The following DGKB variants were observed in gnomAD, a reference collection of about 807,000 sequenced individuals.
DGKB encodes the protein 90 kDa diacylglycerol kinase.
Under a neutral mutation model 114.3 loss-of-function variants are expected in DGKB, and 67 were observed. That is an observed-to-expected ratio of 0.59 (90% CI 0.48 to 0.72). The LOEUF (loss-of-function observed/expected upper bound fraction) is 0.72. Among genes scored for constraint, DGKB ranks in the 30% least tolerant of loss-of-function variants. The pLI is 0.00. For missense variants in DGKB, 907 were observed against 975.2 expected (o/e 0.93, Z 0.93); for synonymous variants, 398 against 323.1 (o/e 1.23, Z -2.49).
intron 22 of DGKB, among the ~76,000 whole-genome samples, chr7:14,342,238 C>T (rs1583294896): frequency 3.3e-5 from 5 of 151,900 alleles, no homozygotes; most frequent in Admixed American, 3.3e-4. Flanking sequence ...AAATTCTTGG[C>T]TTTAAAATTT....
intron 2 of DGKB, among the ~76,000 whole-genome samples, chr7:14,811,625 T>C (rs1190357996): frequency 6.6e-6 from 1 of 152,164 alleles, no homozygotes; most frequent in African/African-American, 2.4e-5. Flanking sequence ...TCATATCAAC[T>C]TCAGGTGAAG....
chr7:14,657,139 G>A (rs1816006333), intron 13 of DGKB, among the ~76,000 whole-genome samples: 1 of 151,666 alleles, frequency 6.6e-6, no homozygotes, highest in African/African-American at 2.4e-5. Flanking sequence ...GACATGCTAT[G>A]ACTCTTTAAA....
chr7:14,782,364 A>G (rs1839244904), intron 2 of DGKB, among the ~76,000 whole-genome samples: 1 of 152,184 alleles, frequency 6.6e-6, no homozygotes, highest in Non-Finnish European at 1.5e-5. Context: ...AATGAATACT[A>G]TGATTGCACT....
At chr7:14,797,216 C>T (rs1365973381) in intron 2 of DGKB, among the ~76,000 whole-genome samples, 3 of 152,080 alleles carry the variant, frequency 2.0e-5, no homozygotes, top group Non-Finnish European at 4.4e-5. Context: ...TGAGTCATGG[C>T]CCCTCAATCA....
chr7:14,953,844 G>A (rs1174280360), intron 1 of DGKB, among the ~76,000 whole-genome samples: 1 of 152,102 alleles, frequency 6.6e-6, no homozygotes, highest in Admixed American at 6.6e-5. Context: ...CTACTGCACA[G>A]CAAAGGCTAA....
chr7:14,236,926 TTGTAA>T (rs987408643), intron 23 of DGKB, among the ~76,000 whole-genome samples: 9 of 151,964 alleles, frequency 5.9e-5, no homozygotes, highest in Admixed American at 5.9e-4. Flanking sequence ...CTTTCCTAAG[TTGTAA>T]TGTGATGTTT....
chr7:14,830,833 T>G (rs1339686594), intron 2 of DGKB, among the ~76,000 whole-genome samples: 1 of 152,042 alleles, frequency 6.6e-6, no homozygotes, highest in Non-Finnish European at 1.5e-5. Context: ...TTATTTATTT[T>G]TCTATGTTCA....
At chr7:14,299,855 G>A (rs1180557690) in intron 23 of DGKB, among the ~76,000 whole-genome samples, 2 of 151,520 alleles carry the variant, frequency 1.3e-5, no homozygotes, top group South Asian at 4.2e-4. Flanking sequence ...TATTAATCAA[G>A]GTATTATTTC....
At chr7:14,311,705 C>A (rs1272187297) in intron 23 of DGKB, among the ~76,000 whole-genome samples, 1 of 152,186 alleles carries the variant, frequency 6.6e-6, no homozygotes, top group Non-Finnish European at 1.5e-5. Flanking sequence ...GAATTAAAGT[C>A]ATGAGCCTCC....
intron 25 of DGKB, among the ~76,000 whole-genome samples, chr7:14,152,048 G>T (rs569133007): frequency 6.6e-6 from 1 of 151,952 alleles, no homozygotes; most frequent in Non-Finnish European, 1.5e-5. Context: ...GGTTACGGGG[G>T]GTTAACAGGG....
chr7:14,939,621 CTTTT>C (rs60427374), intron 1 of DGKB, among the ~76,000 whole-genome samples: 5 of 84,146 alleles, frequency 5.9e-5, no homozygotes, highest in African/African-American at 1.9e-4. Context: ...AAATATAATA[CTTTT>C]TTTTTTTTTT....
chr7:14,265,642 A>G (rs1434202606), intron 23 of DGKB, among the ~76,000 whole-genome samples: 2 of 152,066 alleles, frequency 1.3e-5, no homozygotes, highest in African/African-American at 2.4e-5. Flanking sequence ...TTTTTAAGCT[A>G]TGGTATAACT....
chr7:14,187,292 T>A (rs923652931), intron 23 of DGKB, among the ~76,000 whole-genome samples: 2 of 152,102 alleles, frequency 1.3e-5, no homozygotes, highest in African/African-American at 2.4e-5. Context: ...AACATCTGGT[T>A]CAGCAGCAGA....
chr7:14,643,347 T>C (rs1434225877), intron 13 of DGKB, among the ~76,000 whole-genome samples: 2 of 99,526 alleles, frequency 2.0e-5, no homozygotes, highest in Non-Finnish European at 2.4e-5. Context: ...TTCACATGAC[T>C]GTATTGTTCC....
intron 6 of DGKB, among the ~76,000 whole-genome samples, chr7:14,711,881 C>T (rs188588571): frequency 2.3e-3 from 345 of 152,182 alleles, no homozygotes; most frequent in African/African-American, 7.6e-3. Context: ...TATGTGAAAG[C>T]GAATATACCG....
chr7:14,308,949 C>T (rs942659797), intron 23 of DGKB, among the ~76,000 whole-genome samples: 2 of 152,152 alleles, frequency 1.3e-5, no homozygotes, highest in Non-Finnish European at 2.9e-5. Context: ...TGCATGGTGG[C>T]TCACGCCTGT....
intron 1 of DGKB, among the ~76,000 whole-genome samples, chr7:14,929,323 G>C (rs980396217): frequency 1.3e-5 from 2 of 152,042 alleles, no homozygotes; most frequent in African/African-American, 4.8e-5. Flanking sequence ...TTTTCATAGA[G>C]GTTGTACTAA....
chr7:14,376,848 G>A (rs1311660935), intron 21 of DGKB, among the ~76,000 whole-genome samples: 1 of 152,130 alleles, frequency 6.6e-6, no homozygotes, highest in East Asian at 1.9e-4. Context: ...CTTGTTCCTC[G>A]AAGCAGAAGT....
chr7:14,273,872 T>G (rs1798613498), intron 23 of DGKB, among the ~76,000 whole-genome samples: 1 of 152,238 alleles, frequency 6.6e-6, no homozygotes, highest in South Asian at 2.1e-4. Flanking sequence ...GATGTCTGAA[T>G]ATCAGTAATT....
Sources: gnomAD v4.1 joint callset for allele counts (sites outside exome capture counted in the v4.1 genomes callset) on GRCh38, gnomAD v4.1.1 for gene constraint, MANE v1.5 for transcripts, NCBI Gene and HGNC (gene_info 2026-07-23, HGNC 2026-07-21) for gene names.